KLHL1: variants seen among roughly 807,000 people sequenced by gnomAD.
KLHL1 encodes kelch-like protein 1.
A neutral mutation model predicts 77.7 loss-of-function variants in KLHL1; 47 were observed. The observed-to-expected ratio is 0.60, with a 90% CI of 0.48 to 0.77. The LOEUF (loss-of-function observed/expected upper bound fraction) is 0.77, where lower values mean the gene tolerates loss of function less well. Among genes scored for constraint, KLHL1 ranks in the 30% least tolerant of loss-of-function variants. The pLI is 0.00. For missense variants in KLHL1, 925 were observed against 910.8 expected (o/e 1.02, Z -0.20); for synonymous variants, 360 against 325.2 (o/e 1.11, Z -1.15).
At chr13:69,919,642 G>A (rs1450584500) in intron 4 of KLHL1, among the ~76,000 whole-genome samples, 1 of 151,994 alleles carries the variant, frequency 6.6e-6, no homozygotes, top group Non-Finnish European at 1.5e-5. Context: ...TAAGGATAGG[G>A]TTCTGAGATT....
Position 69,707,646 on chromosome 13 carries a change from T to C in KLHL1, c.2166A>G (p.Pro722=), listed in dbSNP as rs747135948. 1.9e-6 allele frequency: 3 copies of C among 1,611,720 alleles called. No individual in the cohort carries two copies. The highest frequency in any genetic ancestry group is 1.7e-6 in the Non-Finnish European group (2 of 1,178,634). The stretch of plus-strand genomic sequence containing the variant: ...TTACCTGTGTCCACTCATTAGTTTG[T>C]GGGTCATAGGATTCCATAGTGTTGA... ...TYLNTMESYD[P]QTNEWTQMAS... Residue 722 remains proline (P), a synonymous_variant, in exon 10 of 11, where the codon CCA becomes CCG. Coordinates refer to ENST00000377844, the MANE Select transcript of KLHL1 (RefSeq NM_020866.3).
chr13:69,916,139 G>T (rs547143854), intron 4 of KLHL1, among the ~76,000 whole-genome samples: 32 of 141,160 alleles, frequency 2.3e-4, no homozygotes, highest in African/African-American at 7.2e-4. Context: ...TACACTGTTG[G>T]TGGGACTGTA....
chr13:69,987,957 TA>T (rs1206071488), intron 1 of KLHL1, among the ~76,000 whole-genome samples: 1 of 151,812 alleles, frequency 6.6e-6, no homozygotes, highest in Non-Finnish European at 1.5e-5. Flanking sequence ...TCTTTTTTTT[TA>T]ATTTATCTTT....
In KLHL1 at chr13:69,832,117, A is replaced by G. The variant is rs143671208; in HGVS notation, c.1414+6859T>C. ...TAGCCAGAACAATCGGACAAAAGAAAGAAATAAAGGGCACCAAAATTGGTA... is the reference window on the plus strand; with the variant it reads ...TAGCCAGAACAATCGGACAAAAGAAGGAAATAAAGGGCACCAAAATTGGTA... On this transcript the variant is annotated intron_variant, in intron 6 of 10. Transcript: ENST00000377844. Among the ~76,000 whole-genome samples the G allele has an allele frequency of 5.3e-4, 79 of 150,056 alleles. 8 individuals are homozygous for G. The highest frequency in any genetic ancestry group is 1.8e-3 in the African/African-American group (74 of 40,048).
intron 5 of KLHL1, among the ~76,000 whole-genome samples, chr13:69,849,861 T>C (rs1455129121): frequency 6.6e-6 from 1 of 151,504 alleles, no homozygotes; most frequent in Non-Finnish European, 1.5e-5. Flanking sequence ...AATAATTTAT[T>C]CATTACCAAA....
chr13:69,965,592 T>G (rs540802267), intron 2 of KLHL1, among the ~76,000 whole-genome samples: 1 of 152,258 alleles, frequency 6.6e-6, no homozygotes, highest in African/African-American at 2.4e-5. Context: ...TGTCTCTCAC[T>G]TTAAATCAAA....
intron 7 of KLHL1, among the ~76,000 whole-genome samples, chr13:69,791,501 G>C (rs1876872790): frequency 6.6e-6 from 1 of 151,910 alleles, no homozygotes; most frequent in Admixed American, 6.6e-5. Context: ...AAAAACCAAA[G>C]ACAGTGTGAT....
At chr13:69,797,418 A>T (rs992550899) in intron 6 of KLHL1, among the ~76,000 whole-genome samples, 9 of 152,206 alleles carry the variant, frequency 5.9e-5, no homozygotes, top group Admixed American at 2.0e-4. Flanking sequence ...TTTTTCTTTA[A>T]ATTTGTCATA....
At chr13:69,946,273 C>A (rs1037443550) in intron 3 of KLHL1, among the ~76,000 whole-genome samples, 3 of 151,948 alleles carry the variant, frequency 2.0e-5, no homozygotes, top group African/African-American at 4.8e-5. Flanking sequence ...TGAGTATATA[C>A]ATAAGCCAAA....
At chr13:69,716,418 A>T (rs1398984880) in intron 9 of KLHL1, among the ~76,000 whole-genome samples, 1 of 152,122 alleles carries the variant, frequency 6.6e-6, no homozygotes, top group Non-Finnish European at 1.5e-5. Context: ...AAAAAAAATG[A>T]TGTAGAAAGA....
chr13:70,095,805 T>G (rs56852850), intron 1 of KLHL1, among the ~76,000 whole-genome samples: 10,023 of 151,994 alleles, frequency 0.066, 440 homozygotes, highest in East Asian at 0.14. Context: ...ATTTTTGTAT[T>G]GAATAACTGT....
At chr13:69,709,738 T>C (rs926250384) in intron 9 of KLHL1, among the ~76,000 whole-genome samples, 4 of 151,936 alleles carry the variant, frequency 2.6e-5, no homozygotes, top group Admixed American at 2.0e-4. Flanking sequence ...TCTACAAAAC[T>C]TTAGGGAAAA....
chr13:69,728,612 G>A (rs1190755945), intron 8 of KLHL1, among the ~76,000 whole-genome samples: 1 of 150,706 alleles, frequency 6.6e-6, no homozygotes, highest in East Asian at 1.9e-4. Flanking sequence ...AGACCAACCT[G>A]GCCAACATGG....
chr13:69,816,547 C>T (rs561336734), intron 6 of KLHL1, among the ~76,000 whole-genome samples: 7 of 151,946 alleles, frequency 4.6e-5, no homozygotes, highest in Non-Finnish European at 8.8e-5. Context: ...TTACAGGCAC[C>T]GTGCCTGGCC....
At chr13:70,068,246 C>T (rs1412466907) in intron 1 of KLHL1, among the ~76,000 whole-genome samples, 1 of 151,938 alleles carries the variant, frequency 6.6e-6, no homozygotes, top group African/African-American at 2.4e-5. Flanking sequence ...GAGGCTGAGG[C>T]AGGAGAATGG....
intron 4 of KLHL1, among the ~76,000 whole-genome samples, chr13:69,936,133 T>C (rs1883181330): frequency 2.0e-5 from 3 of 152,176 alleles, no homozygotes; most frequent in African/African-American, 4.8e-5. Flanking sequence ...GAGAGATTAT[T>C]CAGAATTTGA....
chr13:69,807,771 C>G (rs556898457), intron 6 of KLHL1, among the ~76,000 whole-genome samples: 1 of 152,258 alleles, frequency 6.6e-6, no homozygotes, highest in East Asian at 1.9e-4. Flanking sequence ...GAATTAGACT[C>G]TCTCCCATTA....
intron 1 of KLHL1, among the ~76,000 whole-genome samples, chr13:70,041,111 T>C (rs1483369168): frequency 1.3e-5 from 2 of 152,190 alleles, no homozygotes; most frequent in Non-Finnish European, 2.9e-5. Context: ...GTCTCTTCTA[T>C]ACCTTTGCTC....
At chr13:70,014,189 C>T (rs1885602373) in intron 1 of KLHL1, among the ~76,000 whole-genome samples, 1 of 151,924 alleles carries the variant, frequency 6.6e-6, no homozygotes, top group Admixed American at 6.5e-5. Flanking sequence ...ATTTTTCTTC[C>T]TGAAGAACTA....
Sources: gnomAD v4.1 joint callset for allele counts (sites outside exome capture counted in the v4.1 genomes callset) on GRCh38, gnomAD v4.1.1 for gene constraint, MANE v1.5 for transcripts, NCBI Gene and HGNC (gene_info 2026-07-23, HGNC 2026-07-21) for gene names.